CPS1: variants seen among roughly 807,000 people sequenced by gnomAD.
The protein encoded by CPS1 is carbamoyl-phosphate synthase 1, also known as carbamoyl-phosphate synthase [ammonia], mitochondrial.
CPS1 carries 109 observed loss-of-function variants against 174.6 expected under a neutral mutation model. That is an observed-to-expected ratio of 0.62 (90% CI 0.53 to 0.73). The LOEUF is 0.73. Among genes scored for constraint, CPS1 ranks in the 30% least tolerant of loss-of-function variants. The probability of loss-of-function intolerance (pLI) is 0.00; values close to 1 mark genes in which losing one functional copy is unlikely to be tolerated. For synonymous variants in CPS1, 637 were observed against 632.0 expected, an observed-to-expected ratio of 1.01 and a Z score of -0.12; for missense variants, 1,689 against 1,821.9, an observed-to-expected ratio of 0.93 and a Z score of 1.33.
chr2:210,523,544 G>C (rs1695884695), intron 1 of CPS1, among the ~76,000 whole-genome samples: 1 of 151,836 alleles, frequency 6.6e-6, no homozygotes, highest in Non-Finnish European at 1.5e-5. Flanking sequence ...TACACTCTGT[G>C]TCCACGTGGA....
intron 19 of CPS1, among the ~76,000 whole-genome samples, chr2:210,610,656 G>A (rs1699080835): frequency 6.6e-6 from 1 of 151,884 alleles, no homozygotes; most frequent in Admixed American, 6.6e-5. Flanking sequence ...TAGGGCAAAT[G>A]TGGTGGGAGG....
At chr2:210,523,757 A>G (rs1033449163) in intron 1 of CPS1, among the ~76,000 whole-genome samples, 1 of 152,052 alleles carries the variant, frequency 6.6e-6, no homozygotes, top group East Asian at 1.9e-4. Flanking sequence ...ATGCAGGCAC[A>G]TATAAAGTGC....
Position 210,608,579 on chromosome 2 carries a change from C to A in CPS1, c.2391+20C>A. On this transcript the variant is annotated intron_variant, in intron 19 of 37. Transcript: ENST00000233072. ...GGAGAGGTGAGTCCTTGGTTTATTA[C>A]GCTTTTCTTCTTGTTCTCAGTTATT... 1 of 1,605,412 alleles carries A rather than the reference C, an allele frequency of 6.2e-7. No individual in the cohort carries two copies.
At chr2:210,566,996 T>C (rs1044288759) in intron 1 of CPS1, among the ~76,000 whole-genome samples, 1 of 152,142 alleles carries the variant, frequency 6.6e-6, no homozygotes, top group African/African-American at 2.4e-5. Context: ...TCTCAACTTA[T>C]TTGTACAACT....
intron 13 of CPS1, among the ~76,000 whole-genome samples, chr2:210,598,200 C>T (rs1341459121): frequency 1.3e-5 from 2 of 151,656 alleles, no homozygotes; most frequent in Non-Finnish European, 2.9e-5. Flanking sequence ...ACTAGCCTTA[C>T]AAAATATCTT....
At chr2:210,568,649 G>A (rs890507003) in intron 1 of CPS1, among the ~76,000 whole-genome samples, 5 of 152,072 alleles carry the variant, frequency 3.3e-5, no homozygotes, top group Non-Finnish European at 7.4e-5. Flanking sequence ...AGGACCAGAT[G>A]TGACTTGACA....
chr2:210,599,133 C>T (rs1345784778), intron 13 of CPS1, among the ~76,000 whole-genome samples: 1 of 151,806 alleles, frequency 6.6e-6, no homozygotes, highest in Non-Finnish European at 1.5e-5. Flanking sequence ...GCAAAGATCA[C>T]CTCATGGCGA....
chr2:210,558,601 G>A (rs574719075), intron 1 of CPS1, among the ~76,000 whole-genome samples: 2 of 152,110 alleles, frequency 1.3e-5, no homozygotes, highest in South Asian at 4.1e-4. Flanking sequence ...TTCTCACTCT[G>A]TGAGAAGGTA....
intron 35 of CPS1, 47 bp downstream of exon 35, chr2:210,675,008 C>T (rs1171661443): frequency 7.0e-7 from 1 of 1,428,214 alleles, no homozygotes; most frequent in Non-Finnish European, 9.9e-7. Flanking sequence ...TGGAATCTGT[C>T]CACAAATCAA....
chr2:210,536,451 G>C (rs891606728), intron 1 of CPS1, among the ~76,000 whole-genome samples: 1 of 151,638 alleles, frequency 6.6e-6, no homozygotes, highest in Non-Finnish European at 1.5e-5. Flanking sequence ...CTCCCGAGTA[G>C]CTGGGACTAC....
intron 1 of CPS1, among the ~76,000 whole-genome samples, chr2:210,512,525 G>A (rs1695522509): frequency 1.3e-5 from 2 of 151,526 alleles, no homozygotes; most frequent in African/African-American, 4.8e-5. Context: ...TTGCAGCAAA[G>A]GACATGATTT....
At chr2:210,655,051 T>C (rs1286718908) in intron 29 of CPS1, among the ~76,000 whole-genome samples, 2 of 151,952 alleles carry the variant, frequency 1.3e-5, no homozygotes, top group Non-Finnish European at 2.9e-5. Flanking sequence ...GCTCAACACA[T>C]TGTAAGATTA....
chr2:210,605,906 G>T (rs1158158629), intron 17 of CPS1, among the ~76,000 whole-genome samples: 1 of 151,866 alleles, frequency 6.6e-6, no homozygotes, highest in Non-Finnish European at 1.5e-5. Context: ...GAAACATTTA[G>T]ATTTATAGGG....
At chr2:210,601,619 A>C (rs1416427201) in intron 15 of CPS1, among the ~76,000 whole-genome samples, 1 of 151,990 alleles carries the variant, frequency 6.6e-6, no homozygotes, top group East Asian at 1.9e-4. Context: ...GGAAAGGTGT[A>C]ATTACATTCC....
intron 1 of CPS1, among the ~76,000 whole-genome samples, chr2:210,513,741 C>G (rs1262728641): frequency 6.6e-6 from 1 of 151,170 alleles, no homozygotes; most frequent in Non-Finnish European, 1.5e-5. Flanking sequence ...CTTTTGAGGA[C>G]TTAGTCATAA....
chr2:210,667,412 A>T (rs1303413436), intron 33 of CPS1, among the ~76,000 whole-genome samples: 1 of 152,166 alleles, frequency 6.6e-6, no homozygotes, highest in Non-Finnish European at 1.5e-5. Flanking sequence ...GACTCCTATC[A>T]GGTTCAAATA....
At chr2:210,487,959 A>G (rs1336328398) in intron 1 of CPS1, among the ~76,000 whole-genome samples, 1 of 152,212 alleles carries the variant, frequency 6.6e-6, no homozygotes, top group Non-Finnish European at 1.5e-5. Context: ...TGCCTGTGTC[A>G]TGGACCATGG....
intron 31 of CPS1, among the ~76,000 whole-genome samples, chr2:210,660,056 GTAAAA>G (rs1324831725): frequency 6.6e-6 from 1 of 152,124 alleles, no homozygotes; most frequent in Non-Finnish European, 1.5e-5. Context: ...ATTTTACTGA[GTAAAA>G]TGGGTGAACT....
intron 21 of CPS1, among the ~76,000 whole-genome samples, chr2:210,631,687 A>C (rs1433214487): frequency 1.3e-5 from 2 of 152,202 alleles, no homozygotes; most frequent in African/African-American, 4.8e-5. Flanking sequence ...TATAGATTCT[A>C]TTATGCAATG....
Sources: gnomAD v4.1 joint callset for allele counts (sites outside exome capture counted in the v4.1 genomes callset) on GRCh38, gnomAD v4.1.1 for gene constraint, MANE v1.5 for transcripts, NCBI Gene and HGNC (gene_info 2026-07-23, HGNC 2026-07-21) for gene names.